KLC3: variants seen among roughly 807,000 people sequenced by gnomAD.
KLC3 encodes the protein kinesin light chain 3.
KLC3 carries 72 observed loss-of-function variants against 62.9 expected under a neutral mutation model. The observed-to-expected ratio is 1.15, with a 90% CI of 0.95 to 1.39. The LOEUF (loss-of-function observed/expected upper bound fraction) is 1.39. Among genes scored for constraint, KLC3 ranks in the 40% most tolerant of loss-of-function variants. KLC3 has a pLI of 0.00. For missense variants in KLC3, 848 were observed against 691.6 expected, an observed-to-expected ratio of 1.23 and a Z score of -2.54; for synonymous variants, 377 against 300.5, an observed-to-expected ratio of 1.25 and a Z score of -2.63.
chr19:45,347,247 C>T, intron 3 of KLC3, 200 bp from the exon 4 acceptor site: 1 of 537,440 alleles, frequency 1.9e-6, no homozygotes, highest in Admixed American at 3.4e-5. Context: ...GAAGCTGAGG[C>T]AGGAGAATGG....
At chr19:45,346,801 G>C (rs780353517) in intron 3 of KLC3, 27 bp downstream of exon 3, 6 of 1,503,022 alleles carry the variant, frequency 4.0e-6, no homozygotes, top group South Asian at 1.2e-5. Context: ...GAGGCGGGGG[G>C]TGCTGGGCCC....
intron 2 of KLC3, among the ~76,000 whole-genome samples, chr19:45,346,212 G>T (rs889156403): frequency 6.6e-6 from 1 of 152,092 alleles, no homozygotes; most frequent in Non-Finnish European, 1.5e-5. Flanking sequence ...GCAGGGGGAG[G>T]CCTAGGGGAA....
intron 3 of KLC3, 21 bp from the exon 4 acceptor site, chr19:45,347,426 C>A (rs764766008): frequency 3.7e-6 from 6 of 1,604,248 alleles, no homozygotes; most frequent in Non-Finnish European, 5.1e-6. Flanking sequence ...ACCCCGGCCC[C>A]CCACTTTCCT....
intron 8 of KLC3, 103 bp downstream of exon 8, chr19:45,349,705 G>GCCCCCCCCCCGC: frequency 1.3e-6 from 1 of 789,676 alleles, no homozygotes; most frequent in Non-Finnish European, 1.9e-6. Context: ...GTGGGGGGGG[G>GCCCCCCCCCCGC]CCCCCCAGGC....
intron 11 of KLC3, 59 bp downstream of exon 11, chr19:45,350,806 CACCCCCA>C (rs1568528274): frequency 2.9e-5 from 39 of 1,349,704 alleles, no homozygotes; most frequent in South Asian, 5.1e-5. Context: ...CAGCCCACCC[CACCCCCA>C]CCCCCATCTT....
intron 6 of KLC3, 21 bp downstream of exon 6, chr19:45,348,754 A>ACGAAGTGGGGT (rs1418716525): frequency 6.4e-7 from 1 of 1,570,568 alleles, no homozygotes; most frequent in Non-Finnish European, 8.6e-7. Context: ...CCCCAGGGAG[A>ACGAAGTGGGGT]CGAAGTGGGG....
In KLC3 at chr19:45,347,533, C is replaced by CA; in HGVS notation, c.559+18dup. ...AGAGGAAAGGTGGGTGTTGGGAGTA[C>CA]ATGCCACAGAGGATGGCAGGCCAGG... On this transcript the variant is annotated intron_variant, in intron 4 of 12. Transcript: ENST00000391946. The CA allele has an allele frequency of 6.2e-7, 1 of 1,601,958 alleles. No homozygotes were observed.
intron 7 of KLC3, 151 bp from the exon 8 acceptor site, chr19:45,349,278 A>G: frequency 1.3e-6 from 1 of 752,678 alleles, no homozygotes; most frequent in Non-Finnish European, 2.1e-6. Context: ...ATCCCGTTAG[A>G]TGGTATAACT....
chr19:45,346,759 A>G lies in KLC3; in HGVS notation c.474A>G (p.Pro158=), dbSNP rs1239901214. Residue 158 remains proline (P), a synonymous_variant, in exon 3 of 13, where the codon CCA becomes CCG. Transcript: ENST00000391946. ...TGGGGCAGCTGCGACAGTACGACCC[A>G]CCGGCGGAGAGCCAGGTGCCACGGG... ...EFLGQLRQYD[P]PAESQQSESP... 1.9e-6 allele frequency: 3 copies of G among 1,581,326 alleles called. No individual in the cohort carries two copies. Among genetic ancestry groups the G allele is most frequent in the Non-Finnish European group, 2.6e-6 (3 of 1,164,680 alleles).
intron 7 of KLC3, 49 bp downstream of exon 7, chr19:45,348,970 C>A (rs1971585484): frequency 1.4e-6 from 2 of 1,481,248 alleles, no homozygotes; most frequent in Non-Finnish European, 1.8e-6. Context: ...CCCATGTAGC[C>A]CTCCCCAGGG....
chr19:45,347,261 GAA>G (rs1971522687), intron 3 of KLC3, 184 bp from the exon 4 acceptor site: 1 of 555,562 alleles, frequency 1.8e-6, no homozygotes, highest in Admixed American at 3.2e-5. Flanking sequence ...AGAATGGCTT[GAA>G]CCCAGGAGGT....
intron 3 of KLC3, 150 bp from the exon 4 acceptor site, chr19:45,347,297 G>A (rs1971523571): frequency 1.4e-5 from 8 of 591,350 alleles, no homozygotes; most frequent in Admixed American, 6.2e-5. Context: ...AGCCAAGATC[G>A]CACCATTGCA....
Position 45,345,525 on chromosome 19 carries a change from G to A in KLC3, c.-8-9G>A, listed in dbSNP as rs1272174948. On this transcript the variant is annotated splice_polypyrimidine_tract_variant and intron_variant, in intron 1 of 12. Transcript: ENST00000391946. ...ATGATTCCCCAAACCCCTCACCATT[G>A]CTCCCCAGGAGCAGCAATGTCTGTG... The A allele has an allele frequency of 3.8e-6, 6 of 1,558,474 alleles. No individual in the cohort carries two copies. The highest frequency in any genetic ancestry group is 5.2e-6 in the Non-Finnish European group (6 of 1,151,770).
At position 45,345,516 on chromosome 19, in the gene KLC3, C is replaced by T. The variant is rs1363819284; in HGVS notation, c.-8-18C>T. 12 of 1,556,436 alleles carry T rather than the reference C, an allele frequency of 7.7e-6. No individual in the cohort carries two copies. Among genetic ancestry groups the T allele is most frequent in the East Asian group, 2.4e-5 (1 of 41,486 alleles). ...GCCCGGGCAATGATTCCCCAAACCC[C>T]TCACCATTGCTCCCCAGGAGCAGCA... is the stretch of plus-strand genomic sequence containing the variant. On this transcript the variant is annotated intron_variant, in intron 1 of 12. Coordinates refer to ENST00000391946, the MANE Select transcript of KLC3 (RefSeq NM_177417.3).
chr19:45,348,130 C>G lies in KLC3; in HGVS notation c.749C>G (p.Thr250Ser), dbSNP rs1265762201. The G allele has an allele frequency of 6.3e-7, 1 of 1,598,898 alleles. No homozygotes were observed. Among genetic ancestry groups the G allele is most frequent in the Non-Finnish European group, 8.5e-7 (1 of 1,172,444 alleles). The change falls in exon 5 of 13, where the codon ACC (threonine) becomes AGC (serine). Residue 250 changes from threonine to serine, a missense_variant. By Grantham distance (58) the Thr-to-Ser change is moderately conservative. Transcript: ENST00000391946. The part of the protein sequence containing the change: ...SSGHCHPDVA[T>S]MLNILALVYR... ...GGCCACTGCCACCCTGACGTGGCCA[C>G]CATGCTCAACATCCTGGCGCTGGTG... is the stretch of plus-strand genomic sequence containing the variant.
intron 12 of KLC3, 81 bp from the exon 13 acceptor site, chr19:45,351,205 C>A: frequency 6.3e-7 from 1 of 1,586,064 alleles, no homozygotes; most frequent in Non-Finnish European, 8.6e-7. Flanking sequence ...AGTTGGCTGC[C>A]AGGCTGGACC....
Position 45,346,693 on chromosome 19 carries a change from C to A in KLC3, c.408C>A (p.Ser136=). Residue 136 remains serine (S), a synonymous_variant, in exon 3 of 13, where the codon TCC becomes TCA. Coordinates refer to ENST00000391946, the MANE Select transcript of KLC3 (RefSeq NM_177417.3). ...TQRRLRASEE[S]VAQLEEEKRH... ...GGCGGCTTCGGGCCAGCGAGGAGTC[C>A]GTGGCCCAGCTGGAGGAGGAGAAGC... 1.9e-6 allele frequency: 3 copies of A among 1,569,234 alleles called. No homozygotes were observed. The highest frequency in any genetic ancestry group is 2.6e-6 in the Non-Finnish European group (3 of 1,159,092).
chr19:45,350,537 G>A lies in KLC3; in HGVS notation c.1258G>A (p.Gly420Ser). 1 of 1,613,934 alleles carries A rather than the reference G, an allele frequency of 6.2e-7. No individual in the cohort carries two copies. Among genetic ancestry groups the A allele is most frequent in the Non-Finnish European group, 8.5e-7 (1 of 1,179,964 alleles). The change falls in exon 10 of 13, where the codon GGT becomes AGT. Residue 420 changes from glycine (G) to serine (S), a missense_variant. Coordinates refer to ENST00000391946, the MANE Select transcript of KLC3 (RefSeq NM_177417.3). ...PLGAPNTGTA[G>S]DAEQALRRSS... ...AGGTGCCCCCAACACAGGCACAGCT[G>A]GTGACGCAGAACAGGTGAGGATGGG...
At chr19:45,347,399 T>C in intron 3 of KLC3, 48 bp from the exon 4 acceptor site, 2 of 1,452,092 alleles carry the variant, frequency 1.4e-6, no homozygotes, top group East Asian at 2.3e-5. Flanking sequence ...CCCCGGTCTC[T>C]GAAACAAGCC....
Sources: gnomAD v4.1 joint callset for allele counts (sites outside exome capture counted in the v4.1 genomes callset) on GRCh38, gnomAD v4.1.1 for gene constraint, MANE v1.5 for transcripts, NCBI Gene and HGNC (gene_info 2026-07-23, HGNC 2026-07-21) for gene names.